Variants in SCGB2B2 observed in about 807,000 individuals in gnomAD.
SCGB2B2 encodes the protein secretoglobin-like protein.
SCGB2B2 carries 11 observed loss-of-function variants against 7.6 expected under a neutral mutation model. That is an observed-to-expected ratio of 1.45 (90% CI 0.91 to 2.40). The LOEUF is 2.40. SCGB2B2 is among the 30% of genes most tolerant of loss of function. The pLI is 0.00. For synonymous variants in SCGB2B2, 50 were observed against 48.6 expected (o/e 1.03, Z -0.12); for missense variants, 104 against 115.4 (o/e 0.90, Z 0.45).
downstream of SCGB2B2, among the ~76,000 whole-genome samples, chr19:34,586,398 C>G (rs1190905552): frequency 6.6e-6 from 1 of 152,200 alleles, no homozygotes; most frequent in African/African-American, 2.4e-5. Flanking sequence ...CCAAATGCCT[C>G]CTTGTTCCTC....
At chr19:34,616,041 G>GT (rs2066068754) in intron 1 of SCGB2B2, among the ~76,000 whole-genome samples, 1 of 151,160 alleles carries the variant, frequency 6.6e-6, no homozygotes, top group African/African-American at 2.4e-5. Context: ...TGGCTGCATA[G>GT]TATTCCATGG....
chr19:34,638,470 TC>T (rs112900830), intron 1 of SCGB2B2, among the ~76,000 whole-genome samples: 10,340 of 139,924 alleles, frequency 0.074, 494 homozygotes, highest in East Asian at 0.3. Context: ...GGAACACCCA[TC>T]CCCCCCCAAA....
At chr19:34,610,880 C>T (rs1025726560) in intron 1 of SCGB2B2, among the ~76,000 whole-genome samples, 25 of 150,952 alleles carry the variant, frequency 1.7e-4, no homozygotes, top group Non-Finnish European at 3.1e-4. Flanking sequence ...TCTTGGAAGA[C>T]TCTGAGAAGA....
intron 1 of SCGB2B2, among the ~76,000 whole-genome samples, chr19:34,598,142 C>T (rs147191767): frequency 6.6e-6 from 1 of 152,096 alleles, no homozygotes. Flanking sequence ...TGACTCGGGG[C>T]TAGGAATTCT....
At chr19:34,620,612 A>G (rs1292304949) in intron 1 of SCGB2B2, among the ~76,000 whole-genome samples, 1 of 152,122 alleles carries the variant, frequency 6.6e-6, no homozygotes, top group Non-Finnish European at 1.5e-5. Flanking sequence ...ACATGTATAC[A>G]TATGTAACAA....
chr19:34,668,238 G>A (rs563161767), intron 1 of SCGB2B2, among the ~76,000 whole-genome samples: 1 of 152,206 alleles, frequency 6.6e-6, no homozygotes, highest in South Asian at 2.1e-4. Context: ...GCGCTTGCGA[G>A]CCAGCTGGAG....
downstream of SCGB2B2, among the ~76,000 whole-genome samples, chr19:34,590,189 G>C (rs762706103): frequency 6.6e-6 from 1 of 152,152 alleles, no homozygotes; most frequent in Non-Finnish European, 1.5e-5. Flanking sequence ...CACAGGAGAG[G>C]ACTGAAGACA....
intron 1 of SCGB2B2, among the ~76,000 whole-genome samples, chr19:34,608,138 G>A (rs541172505): frequency 1.3e-5 from 2 of 151,966 alleles, no homozygotes; most frequent in South Asian, 2.1e-4. Flanking sequence ...TTTCCTCATC[G>A]TGTTTTATAG....
intron 1 of SCGB2B2, among the ~76,000 whole-genome samples, chr19:34,649,740 G>A (rs567815663): frequency 3.6e-4 from 55 of 151,906 alleles, no homozygotes; most frequent in African/African-American, 1.1e-3. Flanking sequence ...TGTAACCTCC[G>A]CTACTCGGGA....
At chr19:34,588,649 C>T (rs931447394), downstream of SCGB2B2, among the ~76,000 whole-genome samples, 4 of 152,232 alleles carry the variant, frequency 2.6e-5, no homozygotes, top group African/African-American at 9.6e-5. Flanking sequence ...CCATCTCCCG[C>T]TCCAGTCCCT....
chr19:34,641,600 A>G (rs1323178155), intron 1 of SCGB2B2, among the ~76,000 whole-genome samples: 3 of 152,292 alleles, frequency 2.0e-5, no homozygotes, highest in Middle Eastern at 3.4e-3. Flanking sequence ...CCAGATGGCT[A>G]TAACTTCTCT....
In SCGB2B2 at chr19:34,665,633, A is replaced by G. The variant is rs865824246; in HGVS notation, c.-2032+9997T>C. Among the ~76,000 whole-genome samples the G allele has an allele frequency of 1.1e-4, 16 of 151,882 alleles. No homozygotes were observed. The Middle Eastern group carries it at 0.01, about 97-fold the overall frequency. On this transcript the variant is annotated intron_variant, in intron 1 of 3. Transcript: ENST00000601241. ...GATGTGTGTGACACAGGCAGGAACT[A>G]CCCCTCATGGCAGTTGAGGGCCCAC...
chr19:34,667,532 G>A (rs1240333991), intron 1 of SCGB2B2, among the ~76,000 whole-genome samples: 8 of 152,234 alleles, frequency 5.3e-5, no homozygotes, highest in Admixed American at 2.0e-4. Flanking sequence ...ATTTACATAG[G>A]GTGTACACCA....
Position 34,594,261 on chromosome 19 carries a change from G to C in SCGB2B2, c.160C>G (p.Pro54Ala). ...KEELARYNPS[P>A]LTEESFLNVQ... ...TTGAGGAAGGACTCCTCTGTCAGGG[G>C]ACTGGGGTTGTAACGAGCAAGCTCC... Residue 54 changes from proline (P) to alanine (A), a missense_variant, in exon 3 of 4, where the codon CCC (proline) becomes GCC (alanine). Pro to Ala is a conservative substitution (Grantham distance 27). Coordinates refer to ENST00000601241, the MANE Select transcript of SCGB2B2 (RefSeq NM_001025591.4). 6.2e-7 allele frequency: 1 copy of C among 1,613,928 alleles called. No individual in the cohort carries two copies. Among genetic ancestry groups the C allele is most frequent in the Non-Finnish European group, 8.5e-7 (1 of 1,179,810 alleles).
chr19:34,650,686 A>G (rs2067140500), intron 1 of SCGB2B2, among the ~76,000 whole-genome samples: 1 of 151,360 alleles, frequency 6.6e-6, no homozygotes, highest in South Asian at 2.1e-4. Context: ...TTAGGAAGAA[A>G]TAACAGCAAT....
At chr19:34,585,786 C>T (rs555884646), downstream of SCGB2B2, among the ~76,000 whole-genome samples, 2 of 152,244 alleles carry the variant, frequency 1.3e-5, no homozygotes, top group South Asian at 2.1e-4. Context: ...GTGGAGCCAT[C>T]AGTGTTAGAC....
chr19:34,642,908 A>G (rs2066887094), intron 1 of SCGB2B2, among the ~76,000 whole-genome samples: 1 of 152,166 alleles, frequency 6.6e-6, no homozygotes, highest in Non-Finnish European at 1.5e-5. Flanking sequence ...ACAAAAACCA[A>G]CAGACGCTAG....
intron 1 of SCGB2B2, among the ~76,000 whole-genome samples, chr19:34,600,976 CATAAAG>C (rs1330389902): frequency 1.3e-5 from 2 of 151,786 alleles, no homozygotes; most frequent in Admixed American, 1.3e-4. Context: ...ATCTCATGGT[CATAAAG>C]ATATTCTTTT....
chr19:34,603,286 T>C lies in SCGB2B2; in HGVS notation c.-2031-6692A>G, dbSNP rs2065682531. Among the ~76,000 whole-genome samples, 4 of 152,332 alleles carry C rather than the reference T, an allele frequency of 2.6e-5. No homozygotes were observed. In the South Asian group the frequency reaches 8.3e-4, roughly 32 times the overall value. On this transcript the variant is annotated intron_variant, in intron 1 of 3. Transcript: ENST00000601241. ...ACCACCATTCAGGAGGATAGTTATTTGGGAATTGAAATTAATGTGCATGAG... is the reference window on the plus strand; with the variant it reads ...ACCACCATTCAGGAGGATAGTTATTCGGGAATTGAAATTAATGTGCATGAG...
Sources: gnomAD v4.1 joint callset for allele counts (sites outside exome capture counted in the v4.1 genomes callset) on GRCh38, gnomAD v4.1.1 for gene constraint, MANE v1.5 for transcripts, NCBI Gene and HGNC (gene_info 2026-07-23, HGNC 2026-07-21) for gene names.